Variants in SUPT16H observed in about 807,000 individuals in gnomAD.
SUPT16H encodes SPT16 homolog, facilitates chromatin remodeling subunit.
Under a neutral mutation model 136.2 loss-of-function variants are expected in SUPT16H, and 24 were observed. That is an observed-to-expected ratio of 0.18 (90% CI 0.13 to 0.25). The LOEUF (loss-of-function observed/expected upper bound fraction) is 0.25, where lower values mean the gene tolerates loss of function less well. Among genes scored for constraint, SUPT16H ranks in the 10% least tolerant of loss-of-function variants. The pLI, the probability that SUPT16H is intolerant of heterozygous loss-of-function variation, is 1.00. For missense variants in SUPT16H, 623 were observed against 1,270.2 expected (o/e 0.49, Z 7.74); for synonymous variants, 415 against 428.2 (o/e 0.97, Z 0.38).
chr14:21,383,671 G>A (rs1053472100), intron 1 of SUPT16H, 191 bp downstream of exon 1: 5 of 723,600 alleles, frequency 6.9e-6, no homozygotes, highest in African/African-American at 5.2e-5. Flanking sequence ...AGGACAGGGT[G>A]AATGCGGGGG....
At chr14:21,378,921 A>C (rs1187514884) in intron 1 of SUPT16H, among the ~76,000 whole-genome samples, 1 of 152,232 alleles carries the variant, frequency 6.6e-6, no homozygotes, top group African/African-American at 2.4e-5. Flanking sequence ...ATCTGCAAAA[A>C]TTGTGAAGGT....
Position 21,358,433 on chromosome 14 carries a change from G to C in SUPT16H, c.2302-6C>G. 6.3e-7 allele frequency: 1 copy of C among 1,598,152 alleles called. No individual in the cohort carries two copies. The highest frequency in any genetic ancestry group is 8.6e-7 in the Non-Finnish European group (1 of 1,169,366). On this transcript the variant is annotated splice_region_variant and splice_polypyrimidine_tract_variant and intron_variant, in intron 19 of 25. Transcript: ENST00000216297. ...TGCCTCATTTCTCGTTCCATCTGTA[G>C]AAGAAAAAAATATCAAATACAGCCA...
intron 4 of SUPT16H, 135 bp downstream of exon 4, chr14:21,370,201 G>A: frequency 1.6e-6 from 2 of 1,231,728 alleles, no homozygotes; most frequent in Non-Finnish European, 2.2e-6. Context: ...CTGGCACACT[G>A]CTCAGCCAAA....
rs1191434614 is a variant in SUPT16H at position 21,367,330 on chromosome 14, A to C, written c.956-801T>G. ...GAGTTGATAAATGGTATCACATTAAAGTTATTATACATTTTCAAAAACAGA... is the reference window on the plus strand; with the variant it reads ...GAGTTGATAAATGGTATCACATTAACGTTATTATACATTTTCAAAAACAGA... On this transcript the variant is annotated intron_variant, in intron 7 of 25. Coordinates refer to ENST00000216297, the MANE Select transcript of SUPT16H (RefSeq NM_007192.4). Among the ~76,000 whole-genome samples, 9 of 152,220 alleles carry C rather than the reference A, an allele frequency of 5.9e-5. 1 individual carries two copies. In the East Asian group the frequency reaches 1.7e-3, roughly 29 times the overall value.
chr14:21,357,619 T>TAAAA (rs1886462839), intron 21 of SUPT16H, among the ~76,000 whole-genome samples: 1 of 151,694 alleles, frequency 6.6e-6, no homozygotes, highest in East Asian at 1.9e-4. Flanking sequence ...ATAAACTATT[T>TAAAA]AAAAAGACAT....
chr14:21,375,486 A>ACAAGTCCTTTAT (rs71112582), intron 1 of SUPT16H, among the ~76,000 whole-genome samples: 1 of 152,134 alleles, frequency 6.6e-6, no homozygotes, highest in East Asian at 1.9e-4. Flanking sequence ...TATTCTAGAC[A>ACAAGTCCTTTAT]CAGGATCTGC....
At chr14:21,383,552 C>T (rs1051240136) in intron 1 of SUPT16H, 1 of 674,914 alleles carries the variant, frequency 1.5e-6, no homozygotes, top group Non-Finnish European at 2.7e-6. Flanking sequence ...CAAGACGTGA[C>T]CACGGAGTAG....
At chr14:21,364,039 T>C (rs1886613708) in intron 10 of SUPT16H, among the ~76,000 whole-genome samples, 2 of 152,230 alleles carry the variant, frequency 1.3e-5, no homozygotes, top group Admixed American at 6.5e-5. Flanking sequence ...ATTTGAAGCC[T>C]GGCTCAGTTG....
rs201996123 is a variant in SUPT16H at position 21,373,406 on chromosome 14, C to T, written c.91G>A (p.Val31Ile). 2.7e-5 allele frequency: 43 copies of T among 1,613,940 alleles called. No individual in the cohort carries two copies. In the Middle Eastern group the frequency reaches 8.2e-4, roughly 31 times the overall value. ...CCCACTGATACAACAATGGCATCAACGTTGGCATACTCATCTTCTCCTTTC... is the reference window on the plus strand; with the variant it reads ...CCCACTGATACAACAATGGCATCAATGTTGGCATACTCATCTTCTCCTTTC... ...WRKGEDEYAN[V>I]DAIVVSVGVD... The change falls in exon 2 of 26, where the codon GTT (valine) becomes ATT (isoleucine). Residue 31 changes from valine to isoleucine, a missense_variant. Transcript: ENST00000216297.
intron 1 of SUPT16H, among the ~76,000 whole-genome samples, chr14:21,375,653 G>C (rs1323112506): frequency 1.3e-5 from 2 of 152,168 alleles, no homozygotes; most frequent in South Asian, 4.1e-4. Context: ...GAGTGCAGTG[G>C]CACGATCTCG....
chr14:21,366,953 T>G (rs1405602911), intron 7 of SUPT16H, among the ~76,000 whole-genome samples: 2 of 152,146 alleles, frequency 1.3e-5, no homozygotes, highest in Non-Finnish European at 2.9e-5. Flanking sequence ...CCCATTCTTT[T>G]TTTTTTGGAT....
At chr14:21,364,570 C>T (rs569589057) in intron 10 of SUPT16H, among the ~76,000 whole-genome samples, 64 of 152,048 alleles carry the variant, frequency 4.2e-4, no homozygotes, top group African/African-American at 1.4e-3. Context: ...AAAGAATAAC[C>T]GGTTTCATTA....
At chr14:21,370,557 C>T in intron 3 of SUPT16H, 69 bp from the exon 4 acceptor site, 2 of 1,509,492 alleles carry the variant, frequency 1.3e-6, no homozygotes, top group Non-Finnish European at 9.1e-7. Flanking sequence ...TTACCAGTAA[C>T]AGGTAGAATA....
intron 1 of SUPT16H, chr14:21,383,434 C>T: frequency 1.9e-6 from 1 of 527,534 alleles, no homozygotes; most frequent in South Asian, 2.6e-5. Context: ...CCTTGCCCTT[C>T]CATCTCTCCT....
In SUPT16H at chr14:21,352,261, AG is replaced by A. The variant is rs1478944856; in HGVS notation, c.*411del. ...AGGTCATGGCAGTAGGGTAGGTTGGAGGATTGAATGTGCTGGTCAAGAACCA... is the reference window on the plus strand; with the variant it reads ...AGGTCATGGCAGTAGGGTAGGTTGGAGATTGAATGTGCTGGTCAAGAACCA... On this transcript the variant is annotated 3_prime_UTR_variant, in exon 26 of 26. Transcript: ENST00000216297. 2 of 190,922 alleles carry A rather than the reference AG, an allele frequency of 1.0e-5. No homozygotes were observed. Among genetic ancestry groups the A allele is most frequent in the African/African-American group, 4.6e-5 (2 of 43,274 alleles). 11.8% of individuals were successfully genotyped at this position (190,922 alleles called of 1,614,324 possible). A position where few individuals can be genotyped will look rare whatever the true frequency, so the allele number is the denominator to read the frequency against.
In SUPT16H at chr14:21,357,018, G is replaced by T. The variant is rs977906718; in HGVS notation, c.2660+179C>A. Among the ~76,000 whole-genome samples, 98 of 152,176 alleles carry T rather than the reference G, an allele frequency of 6.4e-4. 2 individuals carry two copies. The highest frequency in any genetic ancestry group is 7.3e-5 in the Non-Finnish European group (5 of 68,028). ...GCACAAGCTATTGTTGGGAATTCAAGAAAAAGTGAACAGCTCCGTTATCTA... is the reference window on the plus strand; with the variant it reads ...GCACAAGCTATTGTTGGGAATTCAATAAAAAGTGAACAGCTCCGTTATCTA... On this transcript the variant is annotated intron_variant, in intron 22 of 25. Transcript: ENST00000216297.
chr14:21,370,936 C>T lies in SUPT16H; in HGVS notation c.331-448G>A, dbSNP rs917429327. ...GATTACAGGTGTGTGACAACATGCCCGGCTAATTTTTTATATTTTTAGTAG... is the reference window on the plus strand; with the variant it reads ...GATTACAGGTGTGTGACAACATGCCTGGCTAATTTTTTATATTTTTAGTAG... On this transcript the variant is annotated intron_variant, in intron 3 of 25. Coordinates refer to ENST00000216297, the MANE Select transcript of SUPT16H (RefSeq NM_007192.4). Among the ~76,000 whole-genome samples, 4 of 152,094 alleles carry T rather than the reference C, an allele frequency of 2.6e-5. No individual in the cohort carries two copies. The South Asian group carries it at 6.2e-4, about 24-fold the overall frequency.
intron 19 of SUPT16H, among the ~76,000 whole-genome samples, chr14:21,359,267 G>A (rs1232761820): frequency 1.3e-5 from 2 of 151,864 alleles, no homozygotes; most frequent in South Asian, 2.1e-4. Context: ...GCTAATTTAT[G>A]TATTTTTAGT....
At chr14:21,380,105 G>A (rs1566397336) in intron 1 of SUPT16H, among the ~76,000 whole-genome samples, 1 of 151,908 alleles carries the variant, frequency 6.6e-6, no homozygotes, top group Non-Finnish European at 1.5e-5. Flanking sequence ...TAAAAAATAA[G>A]TATAACTATT....
Sources: gnomAD v4.1 joint callset for allele counts (sites outside exome capture counted in the v4.1 genomes callset) on GRCh38, gnomAD v4.1.1 for gene constraint, MANE v1.5 for transcripts, NCBI Gene and HGNC (gene_info 2026-07-23, HGNC 2026-07-21) for gene names.